The following INSL6 variants were observed in gnomAD, a reference collection of about 807,000 sequenced individuals.
INSL6 encodes insulin like 6.
A neutral mutation model predicts 9.4 loss-of-function variants in INSL6; 16 were observed. That is an observed-to-expected ratio of 1.70 (90% CI 1.15 to 2.59). The LOEUF (loss-of-function observed/expected upper bound fraction) is 2.59, where lower values mean the gene tolerates loss of function less well. Ranked by LOEUF, INSL6 falls within the 30% of genes most tolerant of loss-of-function variation. The pLI is 0.00. For missense variants in INSL6, 391 were observed against 257.3 expected (o/e 1.52, Z -3.56); for synonymous variants, 154 against 96.9 (o/e 1.59, Z -3.46).
the INSL6 span, among the ~76,000 whole-genome samples, chr9:5,106,891 G>A: frequency 1.9e-3 from 292 of 152,232 alleles, no homozygotes; most frequent in Non-Finnish European, 1.6e-3. Flanking sequence ...ACACAAAGGG[G>A]CCCGGGGGAG....
chr9:5,044,813 A>G, the INSL6 span, among the ~76,000 whole-genome samples: 1 of 152,208 alleles, frequency 6.6e-6, no homozygotes, highest in African/African-American at 2.4e-5. Flanking sequence ...TGAGGTTTAC[A>G]ACATGATTCA....
At chr9:5,030,850 A>C in the INSL6 span, among the ~76,000 whole-genome samples, 1 of 152,146 alleles carries the variant, frequency 6.6e-6, no homozygotes, top group Non-Finnish European at 1.5e-5. Context: ...TGAGTTCAAA[A>C]AAATATTTTT....
the INSL6 span, chr9:5,095,050 T>C: frequency 9.4e-6 from 1 of 106,880 alleles, no homozygotes; most frequent in Non-Finnish European, 2.3e-5. Flanking sequence ...ATTACTTTGA[T>C]AGAGTAAACA....
chr9:5,027,815 T>C, the INSL6 span, among the ~76,000 whole-genome samples: 1 of 152,244 alleles, frequency 6.6e-6, no homozygotes, highest in Non-Finnish European at 1.5e-5. Context: ...CAATTCCTTA[T>C]ATGTCCAAGT....
At chr9:5,053,257 G>A in the INSL6 span, among the ~76,000 whole-genome samples, 1 of 151,800 alleles carries the variant, frequency 6.6e-6, no homozygotes, top group African/African-American at 2.4e-5. Flanking sequence ...GTACTTTTTG[G>A]CCATTTGTAT....
the INSL6 span, among the ~76,000 whole-genome samples, chr9:5,102,499 C>T: frequency 1.3e-5 from 2 of 152,270 alleles, no homozygotes; most frequent in East Asian, 1.9e-4. Flanking sequence ...CTTCCCCGAC[C>T]TACCAAGGCA....
At chr9:5,088,928 A>C in the INSL6 span, among the ~76,000 whole-genome samples, 5 of 152,188 alleles carry the variant, frequency 3.3e-5, no homozygotes, top group African/African-American at 1.2e-4. Context: ...TCATTATATA[A>C]ATTTTGGGTA....
At chr9:5,030,032 GA>G in the INSL6 span, 1 of 714,876 alleles carries the variant, frequency 1.4e-6, no homozygotes, top group Middle Eastern at 3.3e-4. Context: ...ACTCATTTAA[GA>G]TTTCATTTAA....
chr9:5,033,333 AG>A, the INSL6 span, among the ~76,000 whole-genome samples: 1 of 152,256 alleles, frequency 6.6e-6, no homozygotes, highest in African/African-American at 2.4e-5. Context: ...ATTATCCAGG[AG>A]AACTTCCCTA....
At chr9:5,077,617 T>G in the INSL6 span, 9 of 1,329,672 alleles carry the variant, frequency 6.8e-6, no homozygotes, top group Middle Eastern at 4.8e-4. Context: ...AGATACTATT[T>G]TATTTTATAA....
intron 2 of INSL6, among the ~76,000 whole-genome samples, chr9:5,138,431 A>G (rs1824427440): frequency 6.6e-6 from 1 of 152,240 alleles, no homozygotes; most frequent in African/African-American, 2.4e-5. Flanking sequence ...CGCCCTTTGC[A>G]GGGACACAGA....
At chr9:5,140,359 T>C (rs1017003129) in intron 2 of INSL6, among the ~76,000 whole-genome samples, 1 of 152,122 alleles carries the variant, frequency 6.6e-6, no homozygotes, top group African/African-American at 2.4e-5. Context: ...ACACTTATAT[T>C]AGTCATCAGA....
the INSL6 span, chr9:5,098,868 G>C: frequency 6.6e-6 from 1 of 151,994 alleles, no homozygotes; most frequent in African/African-American, 2.4e-5. Context: ...TAATTTTTTT[G>C]TATTTTTAGT....
the INSL6 span, among the ~76,000 whole-genome samples, chr9:5,064,334 A>T: frequency 6.6e-6 from 1 of 152,168 alleles, no homozygotes; most frequent in Non-Finnish European, 1.5e-5. Flanking sequence ...GTTGGAGACC[A>T]GCCTGGCCAA....
the INSL6 span, among the ~76,000 whole-genome samples, chr9:5,026,495 C>T: frequency 1.7e-4 from 26 of 152,032 alleles, no homozygotes; most frequent in Admixed American, 3.3e-4. Flanking sequence ...TCATTTGTGC[C>T]GTTTCTATCT....
chr9:5,041,007 C>T, the INSL6 span: 3 of 655,380 alleles, frequency 4.6e-6, 1 homozygote, highest in South Asian at 3.0e-5. Context: ...AGTTCCGGAC[C>T]CCGCAGCTGC....
At chr9:5,116,253 C>T in the INSL6 span, among the ~76,000 whole-genome samples, 1 of 152,066 alleles carries the variant, frequency 6.6e-6, no homozygotes, top group African/African-American at 2.4e-5. Context: ...GGATTTAAAC[C>T]CAAAAAGTCT....
chr9:5,109,337 T>C, the INSL6 span: 2 of 152,330 alleles, frequency 1.3e-5, no homozygotes, highest in East Asian at 3.9e-4. Context: ...GATCTAATAA[T>C]AGAAGCCTGC....
chr9:5,167,253 G>A (rs921348055), intron 1 of INSL6, among the ~76,000 whole-genome samples: 2 of 152,186 alleles, frequency 1.3e-5, no homozygotes, highest in African/African-American at 4.8e-5. Flanking sequence ...TGCAACCTGG[G>A]GATCAGGAGG....
Sources: gnomAD v4.1 joint callset for allele counts (sites outside exome capture counted in the v4.1 genomes callset) on GRCh38, gnomAD v4.1.1 for gene constraint, MANE v1.5 for transcripts, NCBI Gene and HGNC (gene_info 2026-07-23, HGNC 2026-07-21) for gene names.